Variants in UBE2H observed in about 807,000 individuals in gnomAD.
The protein encoded by UBE2H is ubiquitin-conjugating enzyme E2 H.
Under a neutral mutation model 29.0 loss-of-function variants are expected in UBE2H, and 3 were observed. The ratio of observed to expected loss-of-function variants is 0.10; its 90% CI spans 0.05 to 0.27. The LOEUF is 0.27. Among genes scored for constraint, UBE2H ranks in the 10% least tolerant of loss-of-function variants. UBE2H has a pLI of 1.00. For synonymous variants in UBE2H, 69 were observed against 82.9 expected (o/e 0.83, Z 0.91); for missense variants, 68 against 228.2 (o/e 0.30, Z 4.52).
Position 129,831,227 on chromosome 7 carries a change from T to A in UBE2H, c.*3710A>T, listed in dbSNP as rs2116241410. The stretch of plus-strand genomic sequence containing the variant: ...AAGAAATGCAGTTCGTTGCGCCCAA[T>A]CAGAGATAGATGATTTCATTCAACA... On this transcript the variant is annotated 3_prime_UTR_variant, in exon 7 of 7. Coordinates refer to ENST00000355621, the MANE Select transcript of UBE2H (RefSeq NM_003344.4). The A allele has an allele frequency of 6.6e-6, 1 of 152,254 alleles. No individual in the cohort carries two copies. The highest frequency in any genetic ancestry group is 1.9e-4 in the East Asian group (1 of 5,180). 9.4% of individuals were successfully genotyped at this position (152,254 alleles called of 1,614,324 possible).
At chr7:129,935,936 T>C (rs1563051947) in intron 1 of UBE2H, among the ~76,000 whole-genome samples, 2 of 152,194 alleles carry the variant, frequency 1.3e-5, no homozygotes, top group Admixed American at 6.5e-5. Context: ...TAAGCTACTA[T>C]TTAAGGCAAC....
chr7:129,879,469 G>C (rs909505867), intron 3 of UBE2H, 99 bp downstream of exon 3: 52 of 1,144,594 alleles, frequency 4.5e-5, no homozygotes, highest in Non-Finnish European at 6.0e-5. Context: ...AATTCAATTA[G>C]ACAGCCATTT....
At chr7:129,909,785 G>A (rs1806892831) in intron 1 of UBE2H, among the ~76,000 whole-genome samples, 3 of 152,046 alleles carry the variant, frequency 2.0e-5, no homozygotes, top group Non-Finnish European at 4.4e-5. Flanking sequence ...AAGCCCAGAC[G>A]CAATACAAAC....
chr7:129,931,288 T>C (rs1020641022), intron 1 of UBE2H, among the ~76,000 whole-genome samples: 23 of 150,616 alleles, frequency 1.5e-4, no homozygotes, highest in African/African-American at 5.6e-4. Flanking sequence ...CTGGAGAGGC[T>C]GAGGCAGGAG....
chr7:129,874,212 G>A (rs982676410), intron 3 of UBE2H, among the ~76,000 whole-genome samples: 1 of 151,834 alleles, frequency 6.6e-6, no homozygotes, highest in Non-Finnish European at 1.5e-5. Flanking sequence ...AAGTAGATAT[G>A]ATATGAAGGA....
At chr7:129,939,622 C>T (rs1266183264) in intron 1 of UBE2H, among the ~76,000 whole-genome samples, 1 of 152,140 alleles carries the variant, frequency 6.6e-6, no homozygotes, top group Non-Finnish European at 1.5e-5. Flanking sequence ...TTAAATTAAT[C>T]AACTTATCAG....
At chr7:129,944,715 A>AACACACACACACACAC (rs57825154) in intron 1 of UBE2H, among the ~76,000 whole-genome samples, 23 of 143,952 alleles carry the variant, frequency 1.6e-4, no homozygotes, top group East Asian at 8.0e-4. Flanking sequence ...ATGCGCTCAA[A>AACACACACACACACAC]ACACACACAC....
rs548656008 is a variant in UBE2H, at chr7:129,898,059, T to C, written c.54-17088A>G. On this transcript the variant is annotated intron_variant, in intron 1 of 6. Transcript: ENST00000355621. ...GAAAATAAGCAAAAGAAATGAATTA[T>C]TTTATGGAAAAAAATTGCTGTTAAA... Among the ~76,000 whole-genome samples, 5 of 152,296 alleles carry C rather than the reference T, an allele frequency of 3.3e-5. No individual in the cohort carries two copies. In the East Asian group the frequency reaches 9.6e-4, roughly 29 times the overall value.
At chr7:129,919,473 T>C (rs1401109041) in intron 1 of UBE2H, among the ~76,000 whole-genome samples, 1 of 152,174 alleles carries the variant, frequency 6.6e-6, no homozygotes, top group Non-Finnish European at 1.5e-5. Context: ...TCACCAATCC[T>C]GGGACTCTAC....
chr7:129,854,068 T>TTTATTTTTTTTTTA (rs1805661439), intron 5 of UBE2H, among the ~76,000 whole-genome samples: 6 of 148,820 alleles, frequency 4.0e-5, no homozygotes, highest in Non-Finnish European at 9.0e-5. Flanking sequence ...TAGTTTTTTT[T>TTTATTTTTTTTTTA]TTTTTTTTTT....
chr7:129,948,171 T>A (rs900666304), intron 1 of UBE2H, among the ~76,000 whole-genome samples: 5 of 151,658 alleles, frequency 3.3e-5, no homozygotes, highest in Non-Finnish European at 2.9e-5. Flanking sequence ...TTTTTTTTTT[T>A]AATTAAGAGA....
intron 1 of UBE2H, among the ~76,000 whole-genome samples, chr7:129,932,951 G>A (rs1370274409): frequency 6.6e-6 from 1 of 152,076 alleles, no homozygotes; most frequent in Non-Finnish European, 1.5e-5. Flanking sequence ...ACCTGTGCCA[G>A]AACCTCTGTT....
chr7:129,910,030 T>C (rs943454010), intron 1 of UBE2H, among the ~76,000 whole-genome samples: 1 of 151,926 alleles, frequency 6.6e-6, no homozygotes. Flanking sequence ...GAGGTGAATA[T>C]TGAAGAATAA....
intron 6 of UBE2H, among the ~76,000 whole-genome samples, chr7:129,837,239 A>G (rs903002247): frequency 7.9e-5 from 12 of 152,342 alleles, no homozygotes; most frequent in South Asian, 2.1e-4. Context: ...GACTGACTGA[A>G]GCTGTGAGAG....
intron 1 of UBE2H, among the ~76,000 whole-genome samples, chr7:129,914,055 A>G (rs2116454204): frequency 6.6e-6 from 1 of 152,310 alleles, no homozygotes; most frequent in African/African-American, 2.4e-5. Context: ...TTAAGAAGGT[A>G]ACATGTATTG....
chr7:129,839,088 C>G, intron 6 of UBE2H, 119 bp downstream of exon 6: 1 of 1,456,054 alleles, frequency 6.9e-7, no homozygotes. Flanking sequence ...CCACAGCTGT[C>G]TCTTTTTAGG....
intron 5 of UBE2H, among the ~76,000 whole-genome samples, chr7:129,841,620 AG>A (rs1403228782): frequency 7.9e-5 from 12 of 152,344 alleles, no homozygotes; most frequent in African/African-American, 2.9e-4. Context: ...GATGGGCTAG[AG>A]GGTCCCATGA....
chr7:129,899,099 T>C (rs529654334), intron 1 of UBE2H, among the ~76,000 whole-genome samples: 2 of 152,354 alleles, frequency 1.3e-5, no homozygotes, highest in South Asian at 4.1e-4. Flanking sequence ...ATAATTTACC[T>C]ATCCGTAATT....
At chr7:129,882,200 T>C (rs942260760) in intron 1 of UBE2H, among the ~76,000 whole-genome samples, 4 of 152,218 alleles carry the variant, frequency 2.6e-5, no homozygotes, top group Non-Finnish European at 5.9e-5. Flanking sequence ...GTTTAAAATC[T>C]GTTCTATGTA....
Sources: gnomAD v4.1 joint callset for allele counts (sites outside exome capture counted in the v4.1 genomes callset) on GRCh38, gnomAD v4.1.1 for gene constraint, MANE v1.5 for transcripts, NCBI Gene and HGNC (gene_info 2026-07-23, HGNC 2026-07-21) for gene names.